ATP11A: variants seen among roughly 807,000 people sequenced by gnomAD.
The protein encoded by ATP11A is ATPase phospholipid transporting 11A.
ATP11A carries 81 observed loss-of-function variants against 154.4 expected under a neutral mutation model. The observed-to-expected ratio is 0.52, with a 90% CI of 0.44 to 0.63. The LOEUF (loss-of-function observed/expected upper bound fraction) is 0.63. Among genes scored for constraint, ATP11A ranks in the 30% least tolerant of loss-of-function variants. ATP11A has a pLI of 0.00. For synonymous variants in ATP11A, 623 were observed against 585.9 expected (o/e 1.06, Z -0.91); for missense variants, 1,316 against 1,474.3 (o/e 0.89, Z 1.76).
At position 112,806,812 on chromosome 13, in the gene ATP11A, C is replaced by T. The variant is rs577458885; in HGVS notation, c.333+519C>T. Among the ~76,000 whole-genome samples the T allele has an allele frequency of 2.6e-5, 4 of 152,308 alleles. No homozygotes were observed. The South Asian group carries it at 6.2e-4, about 24-fold the overall frequency. On this transcript the variant is annotated intron_variant, in intron 4 of 29. Transcript: ENST00000375645. The stretch of plus-strand genomic sequence containing the variant: ...GTTCAGTCCCTCCCCATTTTCTCCT[C>T]CCCGTCCCTGGCAAAGACTCATGTT...
At chr13:112,769,629 TGA>T (rs2077179683) in intron 1 of ATP11A, among the ~76,000 whole-genome samples, 1 of 152,224 alleles carries the variant, frequency 6.6e-6, no homozygotes, top group African/African-American at 2.4e-5. Flanking sequence ...CCAGGTGAGA[TGA>T]GCCTCAGTGA....
At position 112,883,822 on chromosome 13, in the gene ATP11A, CGTTTTT is replaced by C. The variant is rs1259193796; in HGVS notation, c.*1957_*1962del. 6.6e-6 allele frequency: 1 copy of C among 152,534 alleles called. No individual in the cohort carries two copies. Among genetic ancestry groups the C allele is most frequent in the Non-Finnish European group, 1.5e-5 (1 of 68,040 alleles). 9.4% of individuals were successfully genotyped at this position (152,534 alleles called of 1,614,324 possible). On this transcript the variant is annotated 3_prime_UTR_variant, in exon 30 of 30. Coordinates refer to ENST00000375645, the MANE Select transcript of ATP11A (RefSeq NM_015205.3). ...CTGCCCCCGCAAACAATGGTGTGTG[CGTTTTT>C]ACAGCCCTTTTTAGGAACCCAATAT...
At chr13:112,768,605 C>T (rs1033174619) in intron 1 of ATP11A, among the ~76,000 whole-genome samples, 4 of 152,208 alleles carry the variant, frequency 2.6e-5, no homozygotes, top group African/African-American at 9.7e-5. Flanking sequence ...TGACCCTCTG[C>T]ACTTGGAAGG....
At chr13:112,816,059 C>T (rs1219592429) in intron 5 of ATP11A, 24 bp from the exon 6 acceptor site, 1 of 1,613,670 alleles carries the variant, frequency 6.2e-7, no homozygotes, top group African/African-American at 1.3e-5. Flanking sequence ...TTCCATTGAC[C>T]ATCCTTTCTG....
chr13:112,788,887 A>G (rs78720560), intron 2 of ATP11A, among the ~76,000 whole-genome samples: 1 of 145,546 alleles, frequency 6.9e-6, no homozygotes, highest in Non-Finnish European at 1.5e-5. Flanking sequence ...GTAGACTCCT[A>G]TGTAGACCTA....
At chr13:112,752,559 A>G (rs1168207953) in intron 1 of ATP11A, among the ~76,000 whole-genome samples, 1 of 152,210 alleles carries the variant, frequency 6.6e-6, no homozygotes, top group African/African-American at 2.4e-5. Context: ...CATCGTCTTC[A>G]GCACTGAATA....
intron 1 of ATP11A, among the ~76,000 whole-genome samples, chr13:112,729,092 G>A (rs1890210547): frequency 6.6e-6 from 1 of 152,214 alleles, no homozygotes; most frequent in South Asian, 2.1e-4. Context: ...GGATCCTGAC[G>A]TCTTAAGAAT....
At chr13:112,779,676 G>A (rs1272103099) in intron 1 of ATP11A, among the ~76,000 whole-genome samples, 5 of 152,250 alleles carry the variant, frequency 3.3e-5, no homozygotes, top group Non-Finnish European at 5.9e-5. Context: ...CACTTTGGGA[G>A]GCTGAGGCGG....
chr13:112,787,690 C>T (rs1594693139), intron 2 of ATP11A, among the ~76,000 whole-genome samples: 1 of 149,498 alleles, frequency 6.7e-6, no homozygotes, highest in South Asian at 2.1e-4. Flanking sequence ...ACCGGGTGTC[C>T]TGATGCGTAG....
intron 2 of ATP11A, among the ~76,000 whole-genome samples, chr13:112,791,207 C>G (rs998382818): frequency 3.9e-5 from 6 of 152,236 alleles, no homozygotes; most frequent in African/African-American, 1.4e-4. Context: ...CAGGAAGCAC[C>G]CAGGTGTCCA....
rs1365643182 is a variant in ATP11A, at chr13:112,690,893, A to G, written c.39+438A>G. Among the ~76,000 whole-genome samples, 1 of 152,158 alleles carries G rather than the reference A, an allele frequency of 6.6e-6. No homozygotes were observed. The highest frequency in any genetic ancestry group is 2.4e-5 in the African/African-American group (1 of 41,444). On this transcript the variant is annotated intron_variant, in intron 1 of 29. Transcript: ENST00000375645. This position sits in a 1 kb window ranked among gnomAD's most constrained non-coding sequence, Gnocchi z 5.6. Reference sequence around the variant, plus strand: ...GCAGCCGTGTCTGTAAGATTAAGGGATTGGGAGGAAGCGTTACACTTCTGC... The same window carrying G: ...GCAGCCGTGTCTGTAAGATTAAGGGGTTGGGAGGAAGCGTTACACTTCTGC...
At chr13:112,793,965 G>A (rs143787175) in intron 2 of ATP11A, among the ~76,000 whole-genome samples, 123 of 152,350 alleles carry the variant, frequency 8.1e-4, no homozygotes, top group South Asian at 4.4e-3. Flanking sequence ...CTAGTGAGGC[G>A]TTCCAGCTCA....
chr13:112,862,017 G>GTAAGGTGTCACAGCAGGCT (rs1414937044), intron 24 of ATP11A, among the ~76,000 whole-genome samples: 1 of 92,662 alleles, frequency 1.1e-5, no homozygotes, highest in African/African-American at 3.3e-5. Context: ...CACAGCAGGC[G>GTAAGGTGTCACAGCAGGCT]TAAGGCGTCA....
chr13:112,864,598 A>G lies in ATP11A; in HGVS notation c.2991+2023A>G, dbSNP rs868059841. ...CCCAGCGGGGTCCATCACCACCTGC[A>G]CAGTAATTCAGTGCGGCCCATACAG... On this transcript the variant is annotated intron_variant, in intron 25 of 29. Coordinates refer to ENST00000375645, the MANE Select transcript of ATP11A (RefSeq NM_015205.3). Among the ~76,000 whole-genome samples the G allele has an allele frequency of 2.3e-3, 46 of 20,112 alleles. 1 individual carries two copies. Among genetic ancestry groups the G allele is most frequent in the African/African-American group, 5.0e-3 (10 of 2,006 alleles). The allele number at this position is 20,112 out of a possible 152,430, so 13.2% of individuals were successfully genotyped here.
intron 2 of ATP11A, among the ~76,000 whole-genome samples, chr13:112,803,366 A>G (rs1051881195): frequency 6.6e-6 from 1 of 152,206 alleles, no homozygotes; most frequent in African/African-American, 2.4e-5. Context: ...TTGGTATGAG[A>G]ATTTGACAAC....
chr13:112,756,291 A>G (rs1431122099), intron 1 of ATP11A, among the ~76,000 whole-genome samples: 1 of 152,170 alleles, frequency 6.6e-6, no homozygotes, highest in Admixed American at 6.5e-5. Flanking sequence ...CCAAATAACT[A>G]AGGGTCATGT....
intron 1 of ATP11A, among the ~76,000 whole-genome samples, chr13:112,765,690 C>A (rs1185230087): frequency 6.6e-6 from 1 of 152,238 alleles, no homozygotes; most frequent in African/African-American, 2.4e-5. Context: ...TCACTTTGAA[C>A]AAAATATCTC....
chr13:112,690,039 G>C lies in ATP11A; in HGVS notation c.-378G>C, dbSNP rs992835204. On this transcript the variant is annotated 5_prime_UTR_variant, in exon 1 of 30. Transcript: ENST00000375645. This position sits in a 1 kb window ranked among gnomAD's most constrained non-coding sequence, Gnocchi z 5.6. Reference sequence around the variant, plus strand: ...GAGCCAGCGGGGCCCGGAGGCTCCAGAGGGCGGCGGGCAGGGGAGGAGGAG... The same window carrying C: ...GAGCCAGCGGGGCCCGGAGGCTCCACAGGGCGGCGGGCAGGGGAGGAGGAG... 3.2e-4 allele frequency among the ~76,000 whole-genome samples: 47 copies of C among 148,850 alleles called. 1 individual carries two copies. The highest frequency in any genetic ancestry group is 1.1e-3 in the African/African-American group (47 of 41,226).
Position 112,854,312 on chromosome 13 carries a change from C to A in ATP11A, c.2025C>A (p.Ala675=). 1 of 1,614,146 alleles carries A rather than the reference C, an allele frequency of 6.2e-7. No homozygotes were observed. Residue 675 remains alanine, a synonymous_variant, in exon 19 of 30, where the codon GCC becomes GCA. Transcript: ENST00000375645. ...AGAAAGCTGCAGACACCATCGAGGC[C>A]CTGCAGAAGGCCGGGATCAAAGTCT... ...LQEKAADTIE[A]LQKAGIKVWV... is the part of the protein sequence containing the mutation.
Sources: gnomAD v4.1 joint callset for allele counts (sites outside exome capture counted in the v4.1 genomes callset) on GRCh38, gnomAD v4.1.1 for gene constraint, Gnocchi (gnomAD v3.1) non-coding constraint, MANE v1.5 for transcripts, NCBI Gene and HGNC (gene_info 2026-07-23, HGNC 2026-07-21) for gene names.